The following RGL1 variants were observed in gnomAD, a reference collection of about 807,000 sequenced individuals.
RGL1 encodes the protein ral guanine nucleotide dissociation stimulator-like 1.
RGL1 carries 24 observed loss-of-function variants against 95.2 expected under a neutral mutation model. The ratio of observed to expected loss-of-function variants is 0.25; its 90% CI spans 0.18 to 0.35. The LOEUF (loss-of-function observed/expected upper bound fraction) is 0.35, where lower values mean the gene tolerates loss of function less well. RGL1 is among the 10% of genes least tolerant of loss of function. The pLI is 1.00. For synonymous variants in RGL1, 329 were observed against 344.9 expected, an observed-to-expected ratio of 0.95 and a Z score of 0.51; for missense variants, 715 against 936.3, an observed-to-expected ratio of 0.76 and a Z score of 3.08.
At chr1:183,705,203 A>G (rs1654831567) in intron 1 of RGL1, among the ~76,000 whole-genome samples, 1 of 152,172 alleles carries the variant, frequency 6.6e-6, no homozygotes, top group East Asian at 1.9e-4. Context: ...TGCTAGTCCT[A>G]GAAAAGAGAT....
chr1:183,923,380 CTCAT>C (rs1300239065), intron 17 of RGL1, among the ~76,000 whole-genome samples: 1 of 152,186 alleles, frequency 6.6e-6, no homozygotes, highest in Non-Finnish European at 1.5e-5. Flanking sequence ...TGGAAGATTT[CTCAT>C]TCATTCAGCT....
intron 1 of RGL1, among the ~76,000 whole-genome samples, chr1:183,718,584 G>A (rs1445627744): frequency 6.6e-6 from 1 of 152,126 alleles, no homozygotes; most frequent in East Asian, 1.9e-4. Context: ...TTGGAATCCT[G>A]GATCCACTAC....
intron 4 of RGL1, among the ~76,000 whole-genome samples, chr1:183,867,988 A>T (rs1558259630): frequency 2.6e-5 from 4 of 152,234 alleles, no homozygotes; most frequent in Admixed American, 1.3e-4. Flanking sequence ...AAAACCAGAC[A>T]TACCAGTGTA....
intron 1 of RGL1, among the ~76,000 whole-genome samples, chr1:183,731,753 G>T (rs1572342521): frequency 6.6e-6 from 1 of 152,118 alleles, no homozygotes; most frequent in South Asian, 2.1e-4. Flanking sequence ...TCTGGATGGG[G>T]AATTAATACT....
At chr1:183,913,051 T>C (rs928050355) in intron 15 of RGL1, among the ~76,000 whole-genome samples, 9 of 152,026 alleles carry the variant, frequency 5.9e-5, no homozygotes, top group African/African-American at 2.2e-4. Flanking sequence ...CATTCTCCCA[T>C]GTTGGAAAAA....
chr1:183,799,574 A>G (rs1572425960), intron 2 of RGL1, among the ~76,000 whole-genome samples: 1 of 152,112 alleles, frequency 6.6e-6, no homozygotes, highest in East Asian at 1.9e-4. Flanking sequence ...GCATCTTTTC[A>G]TACACCTGTT....
At chr1:183,672,395 G>A (rs1204904265) in intron 1 of RGL1, among the ~76,000 whole-genome samples, 1 of 152,030 alleles carries the variant, frequency 6.6e-6, no homozygotes, top group Admixed American at 6.6e-5. Context: ...GTTCTCAACA[G>A]ATAAAAATAT....
intron 1 of RGL1, among the ~76,000 whole-genome samples, chr1:183,667,386 G>A (rs1047042603): frequency 6.6e-6 from 1 of 152,026 alleles, no homozygotes; most frequent in Non-Finnish European, 1.5e-5. Context: ...GTGCAATGGC[G>A]CGATCTCGGC....
intron 2 of RGL1, among the ~76,000 whole-genome samples, chr1:183,757,855 G>A (rs905530035): frequency 2.0e-4 from 30 of 152,224 alleles, no homozygotes; most frequent in Non-Finnish European, 2.6e-4. Context: ...TCTCTCATTT[G>A]TCTTTGTTCT....
chr1:183,734,571 T>C (rs950866939), intron 1 of RGL1, among the ~76,000 whole-genome samples: 1 of 152,216 alleles, frequency 6.6e-6, no homozygotes, highest in African/African-American at 2.4e-5. Flanking sequence ...TTCCTTCAAC[T>C]TGATAAAAAT....
chr1:183,818,476 A>C (rs1662233050), intron 2 of RGL1, among the ~76,000 whole-genome samples: 1 of 152,174 alleles, frequency 6.6e-6, no homozygotes, highest in South Asian at 2.1e-4. Flanking sequence ...TTGCAGCTCA[A>C]ATGTTATCTT....
At chr1:183,669,883 A>G (rs1466143200) in intron 1 of RGL1, among the ~76,000 whole-genome samples, 2 of 152,160 alleles carry the variant, frequency 1.3e-5, no homozygotes, top group Middle Eastern at 6.3e-3. Context: ...TTATAAAATC[A>G]TCAGATCTCA....
Position 183,900,656 on chromosome 1 carries a change from C to A in RGL1, c.1317+420C>A, listed in dbSNP as rs563403580. Among the ~76,000 whole-genome samples the A allele has an allele frequency of 3.3e-5, 5 of 152,146 alleles. No individual in the cohort carries two copies. The East Asian group carries it at 7.9e-4, about 24-fold the overall frequency. On this transcript the variant is annotated intron_variant, in intron 11 of 17. Coordinates refer to ENST00000360851, the MANE Select transcript of RGL1 (RefSeq NM_001297671.3). ...AGTAGCTGGGATTACAGGCGTGCAC[C>A]ACCACGCCCAGCTAATTTTTTGTAT... is the stretch of plus-strand genomic sequence containing the variant.
At chr1:183,900,302 T>C in intron 11 of RGL1, 66 bp downstream of exon 11, 1 of 1,258,538 alleles carries the variant, frequency 7.9e-7, no homozygotes, top group Non-Finnish European at 1.2e-6. Context: ...AAAGAGTAGT[T>C]AACTTCTCTT....
chr1:183,669,150 G>C (rs9633305), intron 1 of RGL1, among the ~76,000 whole-genome samples: 10,813 of 151,886 alleles, frequency 0.071, 658 homozygotes, highest in African/African-American at 0.17. Flanking sequence ...CACCATGTTG[G>C]CCAGGATGGT....
intron 4 of RGL1, among the ~76,000 whole-genome samples, chr1:183,878,149 T>TA (rs763365915): frequency 0.083 from 7,084 of 85,328 alleles, 176 homozygotes; most frequent in East Asian, 0.11. Flanking sequence ...GTTGATTTTC[T>TA]TTCTATCTAT....
At chr1:183,758,595 A>G (rs2102301092) in intron 2 of RGL1, among the ~76,000 whole-genome samples, 1 of 152,246 alleles carries the variant, frequency 6.6e-6, no homozygotes, top group East Asian at 1.9e-4. Flanking sequence ...TCTGAGTTAC[A>G]GATGGTGTCT....
At chr1:183,723,512 G>A (rs1656137367) in intron 1 of RGL1, among the ~76,000 whole-genome samples, 1 of 152,208 alleles carries the variant, frequency 6.6e-6, no homozygotes, top group African/African-American at 2.4e-5. Context: ...GGGAGGGAGA[G>A]TACAGTGACT....
chr1:183,648,350 C>T (rs549816614), intron 1 of RGL1: 35 of 1,614,112 alleles, frequency 2.2e-5, no homozygotes, highest in East Asian at 6.7e-5. Context: ...TGCCTGGATA[C>T]GTAATCAGGA....
Sources: gnomAD v4.1 joint callset for allele counts (sites outside exome capture counted in the v4.1 genomes callset) on GRCh38, gnomAD v4.1.1 for gene constraint, MANE v1.5 for transcripts, NCBI Gene and HGNC (gene_info 2026-07-23, HGNC 2026-07-21) for gene names.